CMIP: variants seen among roughly 807,000 people sequenced by gnomAD.
The protein encoded by CMIP is C-Maf-inducing protein.
Under a neutral mutation model 97.3 loss-of-function variants are expected in CMIP, and 13 were observed. The ratio of observed to expected loss-of-function variants is 0.13; its 90% CI spans 0.09 to 0.21. The LOEUF (loss-of-function observed/expected upper bound fraction) is 0.21, where lower values mean the gene tolerates loss of function less well. Ranked by LOEUF, CMIP falls within the 10% of genes least tolerant of loss-of-function variation. The pLI is 1.00. For synonymous variants in CMIP, 538 were observed against 436.3 expected (o/e 1.23, Z -2.91); for missense variants, 847 against 1,024.9 (o/e 0.83, Z 2.37).
At chr16:81,474,823 G>C (rs984280117) in intron 1 of CMIP, among the ~76,000 whole-genome samples, 2 of 151,188 alleles carry the variant, frequency 1.3e-5, no homozygotes, top group Admixed American at 6.6e-5. Context: ...CTGTGCCTAG[G>C]CCCTGCCAGC....
intron 7 of CMIP, 131 bp from the exon 8 acceptor site, chr16:81,670,011 C>G (rs964071132): frequency 6.5e-6 from 5 of 770,288 alleles, no homozygotes; most frequent in South Asian, 1.9e-5. Context: ...GGGTTGGTGT[C>G]TCCCCATTGC....
At chr16:81,575,592 A>G (rs905132825) in intron 1 of CMIP, among the ~76,000 whole-genome samples, 5 of 152,180 alleles carry the variant, frequency 3.3e-5, no homozygotes, top group Non-Finnish European at 1.5e-5. Flanking sequence ...CAACACCCCC[A>G]GGACAACTCC....
rs772954371 is a variant in CMIP, at chr16:81,652,377, C to T, written c.639+13C>T. 1 of 1,608,250 alleles carries T rather than the reference C, an allele frequency of 6.2e-7. No homozygotes were observed. Among genetic ancestry groups the T allele is most frequent in the Admixed American group, 1.7e-5 (1 of 59,286 alleles). On this transcript the variant is annotated intron_variant, in intron 4 of 20. Coordinates refer to ENST00000537098, the MANE Select transcript of CMIP (RefSeq NM_198390.3). The surrounding 1 kb of genome is among the most constrained non-coding windows in gnomAD (Gnocchi z 5.2). ...ACTGCTCTCAGAGGTAAAACCCCTC[C>T]CCTGGACCCCTTTACATTGTTTGCC...
At chr16:81,513,851 C>G (rs964920334) in intron 1 of CMIP, among the ~76,000 whole-genome samples, 5 of 152,372 alleles carry the variant, frequency 3.3e-5, no homozygotes, top group Middle Eastern at 3.4e-3. Flanking sequence ...CACTGACTTG[C>G]AACCTTTGCC....
intron 1 of CMIP, among the ~76,000 whole-genome samples, chr16:81,527,646 G>A (rs953665974): frequency 1.3e-5 from 2 of 152,174 alleles, no homozygotes; most frequent in Admixed American, 1.3e-4. Flanking sequence ...CACAGTGTCT[G>A]TGTTTATTTA....
intron 1 of CMIP, among the ~76,000 whole-genome samples, chr16:81,581,873 CAG>C (rs1333605803): frequency 6.6e-6 from 1 of 152,124 alleles, no homozygotes; most frequent in Admixed American, 6.5e-5. Context: ...TTGTATTAAT[CAG>C]TTCTTACCTT....
At position 81,655,026 on chromosome 16, in the gene CMIP, T is replaced by C. The variant is rs1260598995; in HGVS notation, c.639+2662T>C. 6.6e-6 allele frequency among the ~76,000 whole-genome samples: 1 copy of C among 152,200 alleles called. No individual in the cohort carries two copies. Among genetic ancestry groups the C allele is most frequent in the Non-Finnish European group, 1.5e-5 (1 of 68,024 alleles). On this transcript the variant is annotated intron_variant, in intron 4 of 20. Transcript: ENST00000537098. The surrounding 1 kb of genome is among the most constrained non-coding windows in gnomAD (Gnocchi z 4.9). ...TGAGACGAGTACCTATTTCACAGAA[T>C]TGAAGATGCGATCCTCTCATATGCA...
rs1345498987 is a variant in CMIP at position 81,499,330 on chromosome 16, GCACA to G, written c.300+53797_300+53800del. Among the ~76,000 whole-genome samples the G allele has an allele frequency of 3.3e-5, 5 of 152,102 alleles. No individual in the cohort carries two copies. In the East Asian group the frequency reaches 5.8e-4, roughly 18 times the overall value. ...ACACTCGGCACACATACTTGTCTCT[GCACA>G]CACACACCACTTGCACACCCATGTA... On this transcript the variant is annotated intron_variant, in intron 1 of 20. Coordinates refer to ENST00000537098, the MANE Select transcript of CMIP (RefSeq NM_198390.3).
chr16:81,484,048 T>C (rs1044095920), intron 1 of CMIP, among the ~76,000 whole-genome samples: 2 of 152,176 alleles, frequency 1.3e-5, no homozygotes, highest in African/African-American at 4.8e-5. Flanking sequence ...CTACTGTGTC[T>C]TGGGGTTTCT....
At chr16:81,569,936 G>A (rs527614338) in intron 1 of CMIP, among the ~76,000 whole-genome samples, 1 of 142,582 alleles carries the variant, frequency 7.0e-6, no homozygotes, top group Non-Finnish European at 1.6e-5. Flanking sequence ...CGTTATGAGT[G>A]CACTTAACTT....
intron 19 of CMIP, among the ~76,000 whole-genome samples, chr16:81,706,240 T>G (rs1457920294): frequency 6.6e-6 from 1 of 152,218 alleles, no homozygotes; most frequent in African/African-American, 2.4e-5. Context: ...GGAAGACCCG[T>G]GGCTCAGTGG....
At chr16:81,577,805 C>T (rs949941202) in intron 1 of CMIP, among the ~76,000 whole-genome samples, 1 of 138,372 alleles carries the variant, frequency 7.2e-6, no homozygotes, top group East Asian at 2.1e-4. Flanking sequence ...TCATCATCAC[C>T]GTCATCCCCA....
intron 1 of CMIP, among the ~76,000 whole-genome samples, chr16:81,559,535 G>C (rs1276944663): frequency 6.6e-6 from 1 of 152,200 alleles, no homozygotes; most frequent in Non-Finnish European, 1.5e-5. Flanking sequence ...GTGTGTGATG[G>C]TGGTCCCATA....
At chr16:81,554,835 A>T (rs541737645) in intron 1 of CMIP, among the ~76,000 whole-genome samples, 1 of 152,240 alleles carries the variant, frequency 6.6e-6, no homozygotes, top group Non-Finnish European at 1.5e-5. Context: ...CGTGTCTGCT[A>T]GGAACTAACA....
intron 16 of CMIP, 76 bp downstream of exon 16, chr16:81,701,876 A>G (rs1312799664): frequency 2.7e-5 from 43 of 1,574,922 alleles, no homozygotes; most frequent in Middle Eastern, 1.7e-4. Flanking sequence ...CGGGGCAGCT[A>G]GTACTTGGAC....
rs564461800 is a variant in CMIP at position 81,642,118 on chromosome 16, C to T, written c.478-10085C>T. 2.5e-4 allele frequency among the ~76,000 whole-genome samples: 38 copies of T among 152,358 alleles called. No homozygotes were observed. The East Asian group carries it at 7.3e-3, about 29-fold the overall frequency. ...TCAGAAGCGATGGCTTTTCCGCTGTCTTGTCACTCGTCATTCATCAGAACC... is the reference window on the plus strand; with the variant it reads ...TCAGAAGCGATGGCTTTTCCGCTGTTTTGTCACTCGTCATTCATCAGAACC... On this transcript the variant is annotated intron_variant, in intron 3 of 20. Coordinates refer to ENST00000537098, the MANE Select transcript of CMIP (RefSeq NM_198390.3).
rs1031947267 is a variant in CMIP at position 81,655,059 on chromosome 16, C to G, written c.639+2695C>G. On this transcript the variant is annotated intron_variant, in intron 4 of 20. Transcript: ENST00000537098. This position sits in a 1 kb window ranked among gnomAD's most constrained non-coding sequence, Gnocchi z 4.9. ...GCGATCCTCTCATATGCATAAAGTG[C>G]TTGGCACTGTGCCTAACTTGCAAGG... is the stretch of plus-strand genomic sequence containing the variant. Among the ~76,000 whole-genome samples the G allele has an allele frequency of 1.3e-5, 2 of 152,194 alleles. No homozygotes were observed. The highest frequency in any genetic ancestry group is 2.9e-5 in the Non-Finnish European group (2 of 68,042).
intron 1 of CMIP, among the ~76,000 whole-genome samples, chr16:81,545,996 G>A (rs2090539571): frequency 6.6e-6 from 1 of 152,228 alleles, no homozygotes; most frequent in Non-Finnish European, 1.5e-5. Flanking sequence ...AAGTGGGACG[G>A]GGCGGTGGGT....
At chr16:81,495,798 A>G (rs1343952052) in intron 1 of CMIP, among the ~76,000 whole-genome samples, 1 of 152,216 alleles carries the variant, frequency 6.6e-6, no homozygotes, top group Non-Finnish European at 1.5e-5. Context: ...CTCCTGGGGC[A>G]TCTGCTGGCC....
Sources: allele counts gnomAD v4.1 joint callset (sites outside exome capture counted in the v4.1 genomes callset), GRCh38; gene constraint gnomAD v4.1.1; non-coding constraint Gnocchi (gnomAD v3.1); transcripts MANE v1.5; gene names NCBI Gene and HGNC (gene_info 2026-07-23, HGNC 2026-07-21).